Variants in PCDHGA1 observed in about 807,000 individuals in gnomAD.
The protein encoded by PCDHGA1 is protocadherin gamma-A1.
PCDHGA1 carries 32 observed loss-of-function variants against 58.0 expected under a neutral mutation model. That is an observed-to-expected ratio of 0.55 (90% CI 0.42 to 0.74). The LOEUF is 0.74. PCDHGA1 is among the 30% of genes least tolerant of loss of function. The probability of loss-of-function intolerance (pLI) is 0.00; values close to 1 mark genes in which losing one functional copy is unlikely to be tolerated. For missense variants in PCDHGA1, 1,205 were observed against 1,182.3 expected (o/e 1.02, Z -0.28); for synonymous variants, 498 against 501.1 (o/e 0.99, Z 0.08).
chr5:141,351,034 G>A (rs745945225), intron 1 of PCDHGA1: 1 of 1,613,878 alleles, frequency 6.2e-7, no homozygotes, highest in Non-Finnish European at 8.5e-7. Flanking sequence ...GAACCTCCGT[G>A]CTGCGGGTGA....
chr5:141,488,312 A>G lies in PCDHGA1; in HGVS notation c.2422-6495A>G, dbSNP rs952247975. 7.9e-5 allele frequency among the ~76,000 whole-genome samples: 12 copies of G among 152,286 alleles called. 1 individual carries two copies. Among genetic ancestry groups the G allele is most frequent in the African/African-American group, 2.9e-4 (12 of 41,558 alleles). On this transcript the variant is annotated intron_variant, in intron 1 of 3. Coordinates refer to ENST00000517417, the MANE Select transcript of PCDHGA1 (RefSeq NM_018912.3). ...AGTAAGTGAAATCACTTATGTCAGA[A>G]AACTGGTTTACAGTTGGCTGATTCA...
chr5:141,352,643 G>T, intron 1 of PCDHGA1: 1 of 1,606,940 alleles, frequency 6.2e-7, no homozygotes, highest in Non-Finnish European at 8.5e-7. Flanking sequence ...TCACAAAATC[G>T]CTTATGACCC....
Position 141,332,939 on chromosome 5 carries a change from C to T in PCDHGA1, c.2255C>T (p.Thr752Ile). 6.2e-7 allele frequency: 1 copy of T among 1,614,200 alleles called. No individual in the cohort carries two copies. The highest frequency in any genetic ancestry group is 8.5e-7 in the Non-Finnish European group (1 of 1,180,034). The part of the protein sequence containing the change: ...GVDGVRAFLQ[T>I]YSHEVSLTAD... ...GACGGGGTTCGGGCTTTCCTGCAGA[C>T]CTATTCCCACGAGGTCTCCCTCACT... The change falls in exon 1 of 4, where the codon ACC becomes ATC. Residue 752 changes from threonine to isoleucine, a missense_variant. Thr to Ile is a moderately conservative substitution (Grantham distance 89). Transcript: ENST00000517417. The surrounding 1 kb of genome is among the most constrained non-coding windows in gnomAD (Gnocchi z 4.6).
intron 1 of PCDHGA1, among the ~76,000 whole-genome samples, chr5:141,481,782 T>C (rs1348977678): frequency 6.6e-6 from 1 of 152,008 alleles, no homozygotes; most frequent in African/African-American, 2.4e-5. Context: ...TGAAACCCCG[T>C]CTCTACTAAA....
At chr5:141,355,153 T>C in intron 1 of PCDHGA1, 1 of 1,549,638 alleles carries the variant, frequency 6.5e-7, no homozygotes, top group Non-Finnish European at 8.7e-7. Flanking sequence ...TCCTCAGGCC[T>C]CGACAGAGGG....
chr5:141,414,550 G>C, intron 1 of PCDHGA1: 1 of 1,613,948 alleles, frequency 6.2e-7, no homozygotes, highest in Non-Finnish European at 8.5e-7. Context: ...CTTCTCTCAA[G>C]TCTCCTACTT....
intron 2 of PCDHGA1, among the ~76,000 whole-genome samples, chr5:141,503,688 T>A (rs2099828724): frequency 6.6e-6 from 1 of 152,042 alleles, no homozygotes; most frequent in African/African-American, 2.4e-5. Context: ...GGAAGGAGAA[T>A]TGAGATTCCT....
chr5:141,354,945 A>T, intron 1 of PCDHGA1: 1 of 425,942 alleles, frequency 2.3e-6, no homozygotes, highest in East Asian at 3.5e-5. Flanking sequence ...ACCAAGAATA[A>T]ATTGCAGTAA....
At chr5:141,389,354 G>A in intron 1 of PCDHGA1, 5 of 1,613,934 alleles carry the variant, frequency 3.1e-6, no homozygotes, top group African/African-American at 2.7e-5. Flanking sequence ...ACTGCATCAT[G>A]GCCAGTGACC....
chr5:141,505,270 G>A (rs550800630), intron 2 of PCDHGA1, 123 bp from the exon 3 acceptor site: 103 of 1,520,724 alleles, frequency 6.8e-5, no homozygotes, highest in Middle Eastern at 4.6e-4. Context: ...CTTGCTGAGA[G>A]AAACAGGTCT....
At position 141,489,870 on chromosome 5, in the gene PCDHGA1, G is replaced by T; in HGVS notation, c.2422-4937G>T. On this transcript the variant is annotated intron_variant, in intron 1 of 3. Transcript: ENST00000517417. The surrounding 1 kb of genome is among the most constrained non-coding windows in gnomAD (Gnocchi z 4.5). ...GTGAAGCCCAGGCAAGACATCAGCT[G>T]GTGCTTACTGCTGTGGATGGGGGGA... 1.2e-6 allele frequency: 2 copies of T among 1,614,220 alleles called. No individual in the cohort carries two copies. The highest frequency in any genetic ancestry group is 1.7e-6 in the Non-Finnish European group (2 of 1,180,024).
intron 1 of PCDHGA1, among the ~76,000 whole-genome samples, chr5:141,406,273 G>C (rs1366399912): frequency 6.6e-6 from 1 of 151,898 alleles, no homozygotes; most frequent in Non-Finnish European, 1.5e-5. Context: ...TCCTGCTTCA[G>C]TTTCCCAAAG....
rs1210691847 is a variant in PCDHGA1, at chr5:141,432,985, C to T, written c.2422-61822C>T. The stretch of plus-strand genomic sequence containing the variant: ...GAGCGCCGGCGTCGCACTTTGTGGG[C>T]GTGGACGGGGTGCAGGCTTTCCTGC... On this transcript the variant is annotated intron_variant, in intron 1 of 3. Transcript: ENST00000517417. The surrounding 1 kb of genome is among the most constrained non-coding windows in gnomAD (Gnocchi z 6.0). The T allele has an allele frequency of 3.1e-6, 5 of 1,614,176 alleles. No individual in the cohort carries two copies. The highest frequency in any genetic ancestry group is 4.2e-6 in the Non-Finnish European group (5 of 1,180,034).
Position 141,388,463 on chromosome 5 carries a change from G to A in PCDHGA1, c.2421+55358G>A, listed in dbSNP as rs367941349. Reference sequence around the variant, plus strand: ...AATCAGATGGCAGTAAATACCCTGAGATGGTATTGAAGACACCTTTGGACA... The same window carrying A: ...AATCAGATGGCAGTAAATACCCTGAAATGGTATTGAAGACACCTTTGGACA... On this transcript the variant is annotated intron_variant, in intron 1 of 3. Coordinates refer to ENST00000517417, the MANE Select transcript of PCDHGA1 (RefSeq NM_018912.3). 143 of 1,613,666 alleles carry A rather than the reference G, an allele frequency of 8.9e-5. 2 individuals are homozygous for A. The highest frequency in any genetic ancestry group is 1.3e-5 in the Non-Finnish European group (15 of 1,179,854).
chr5:141,433,080 A>T lies in PCDHGA1; in HGVS notation c.2422-61727A>T, dbSNP rs1315049041. 4.3e-6 allele frequency: 7 copies of T among 1,614,174 alleles called. No homozygotes were observed. The East Asian group carries it at 1.6e-4, about 36-fold the overall frequency. ...AGTCACCTGATCTTCCCCCAGCCCA[A>T]CTATGCAGACATGCTCGTCAGCCAG... On this transcript the variant is annotated intron_variant, in intron 1 of 3. Transcript: ENST00000517417.
intron 1 of PCDHGA1, among the ~76,000 whole-genome samples, chr5:141,382,003 A>G (rs1271495792): frequency 6.6e-6 from 1 of 150,830 alleles, no homozygotes; most frequent in Non-Finnish European, 1.5e-5. Flanking sequence ...ATAATTTTGT[A>G]TTTTTAGTAG....
intron 1 of PCDHGA1, chr5:141,346,629 C>T (rs1757781972): frequency 1.0e-6 from 1 of 997,118 alleles, no homozygotes; most frequent in South Asian, 1.8e-5. Flanking sequence ...ACTCCCCGGT[C>T]TGGTTATGGT....
intron 1 of PCDHGA1, chr5:141,384,250 A>C: frequency 6.2e-7 from 1 of 1,613,796 alleles, no homozygotes; most frequent in East Asian, 2.2e-5. Context: ...TAACCCACCC[A>C]CCTTCCCCCA....
chr5:141,394,558 C>T (rs2093032633), intron 1 of PCDHGA1: 4 of 1,614,108 alleles, frequency 2.5e-6, no homozygotes, highest in Non-Finnish European at 3.4e-6. Flanking sequence ...CCCCGCTCCG[C>T]AGAGCGTGGC....
Sources: gnomAD v4.1 joint callset for allele counts (sites outside exome capture counted in the v4.1 genomes callset) on GRCh38, gnomAD v4.1.1 for gene constraint, Gnocchi (gnomAD v3.1) non-coding constraint, MANE v1.5 for transcripts, NCBI Gene and HGNC (gene_info 2026-07-23, HGNC 2026-07-21) for gene names.